Variants in ANXA4 observed in about 807,000 individuals in gnomAD.
The protein encoded by ANXA4 is 35-beta calcimedin.
ANXA4 carries 39 observed loss-of-function variants against 49.8 expected under a neutral mutation model. The observed-to-expected ratio is 0.78, with a 90% confidence interval of 0.61 to 1.02. ANXA4 has a LOEUF of 1.02. Ranked by LOEUF, ANXA4 falls within the 50% of genes least tolerant of loss-of-function variation. ANXA4 has a pLI of 0.00. For synonymous variants in ANXA4, 134 were observed against 152.5 expected, an observed-to-expected ratio of 0.88 and a Z score of 0.89; for missense variants, 360 against 410.1, an observed-to-expected ratio of 0.88 and a Z score of 1.05.
At chr2:69,708,573 C>CT (rs1678577111) in intron 2 of ANXA4, among the ~76,000 whole-genome samples, 1 of 152,076 alleles carries the variant, frequency 6.6e-6, no homozygotes, top group African/African-American at 2.4e-5. Flanking sequence ...TCATGGGTCT[C>CT]TTGGTTTTTT....
chr2:69,651,871 A>G (rs533220248), intron 1 of ANXA4, among the ~76,000 whole-genome samples: 2 of 129,076 alleles, frequency 1.5e-5, no homozygotes, highest in Non-Finnish European at 3.1e-5. Context: ...GCTGGAGTGC[A>G]GTGGCGTGAT....
At chr2:69,798,894 G>A (rs1353438223) in intron 3 of ANXA4, among the ~76,000 whole-genome samples, 1 of 152,172 alleles carries the variant, frequency 6.6e-6, no homozygotes, top group Non-Finnish European at 1.5e-5. Flanking sequence ...AGATATTGAG[G>A]TCAAGGACAT....
chr2:69,769,533 AGT>A (rs967298991), intron 1 of ANXA4, among the ~76,000 whole-genome samples: 3 of 152,182 alleles, frequency 2.0e-5, no homozygotes, highest in African/African-American at 7.2e-5. Flanking sequence ...AACATGGAGG[AGT>A]GTTTAATAAG....
At chr2:69,681,758 T>C (rs545897062) in intron 2 of ANXA4, among the ~76,000 whole-genome samples, 4 of 152,336 alleles carry the variant, frequency 2.6e-5, no homozygotes, top group East Asian at 3.9e-4. Context: ...GTATTGTTTT[T>C]TAAGTCTGTA....
chr2:69,754,149 CT>C (rs1411547524), intron 1 of ANXA4, among the ~76,000 whole-genome samples: 1 of 152,224 alleles, frequency 6.6e-6, no homozygotes, highest in Non-Finnish European at 1.5e-5. Context: ...TTTAAATAAT[CT>C]TTGGCAAACA....
chr2:69,654,786 G>A (rs987581930), intron 2 of ANXA4, among the ~76,000 whole-genome samples: 16 of 152,106 alleles, frequency 1.1e-4, no homozygotes, highest in Non-Finnish European at 2.4e-4. Context: ...ATACTACAAG[G>A]CTACAGTAAC....
At chr2:69,764,904 A>T (rs1381351731) in intron 1 of ANXA4, among the ~76,000 whole-genome samples, 1 of 152,138 alleles carries the variant, frequency 6.6e-6, no homozygotes, top group Non-Finnish European at 1.5e-5. Flanking sequence ...GAATTTGACT[A>T]CTTTGAGTAC....
rs181932846 is a variant in ANXA4 at position 69,673,015 on chromosome 2, A to G, written n.766+19733A>G. On this transcript the variant is annotated intron_variant and non_coding_transcript_variant, in intron 2 of 3. Transcript: ENST00000418066. ...GCGATCATTAAAAAGTCGGGGAACA[A>G]CAGATGCTGGAGAGGATGTGGAGAA... Among the ~76,000 whole-genome samples the G allele has an allele frequency of 2.0e-5, 3 of 152,324 alleles. No homozygotes were observed. The East Asian group carries it at 5.8e-4, about 29-fold the overall frequency.
intron 2 of ANXA4, among the ~76,000 whole-genome samples, chr2:69,714,383 A>T (rs1174379051): frequency 1.3e-5 from 2 of 152,022 alleles, no homozygotes; most frequent in African/African-American, 4.8e-5. Context: ...AATATAAACG[A>T]CTCTATAGAA....
chr2:69,735,496 G>A (rs1275602740), intron 3 of ANXA4, among the ~76,000 whole-genome samples: 3 of 152,086 alleles, frequency 2.0e-5, no homozygotes, highest in Non-Finnish European at 4.4e-5. Context: ...CTGAAACAAA[G>A]TCATCTTCCT....
Position 69,820,790 on chromosome 2 carries a change from T to G in ANXA4, c.875T>G (p.Leu292Arg), listed in dbSNP as rs776601708. ...MLDIRAHFKR[L>R]YGKSLYSFIK... ...GATATCCGGGCACACTTCAAGAGAC[T>G]CTATGGAAAGTCTCTGTACTCGTTC... is the stretch of plus-strand genomic sequence containing the variant. The change falls in exon 12 of 13, where the codon CTC becomes CGC. Residue 292 changes from leucine (L) to arginine (R), a missense_variant. Physicochemically the swap from Leu to Arg is moderately radical, Grantham distance 102. Transcript: ENST00000394295. 1 of 1,614,020 alleles carries G rather than the reference T, an allele frequency of 6.2e-7. No homozygotes were observed. The highest frequency in any genetic ancestry group is 8.5e-7 in the Non-Finnish European group (1 of 1,179,950).
intron 2 of ANXA4, among the ~76,000 whole-genome samples, chr2:69,685,597 T>C (rs1268100565): frequency 6.6e-6 from 1 of 152,188 alleles, no homozygotes; most frequent in African/African-American, 2.4e-5. Context: ...GAGGGTATGA[T>C]GAATACTTGA....
At position 69,669,860 on chromosome 2, in the gene ANXA4, C is replaced by G. The variant is rs201871548; in HGVS notation, n.766+16578C>G. Among the ~76,000 whole-genome samples the G allele has an allele frequency of 9.9e-5, 15 of 152,250 alleles. No individual in the cohort carries two copies. The East Asian group carries it at 2.9e-3, about 29-fold the overall frequency. On this transcript the variant is annotated intron_variant and non_coding_transcript_variant, in intron 2 of 3. Transcript: ENST00000418066. ...GGCACATCTAATACTTCTCCCACCGCTACTCAAGATTGTAAAGACTTCACC... is the reference window on the plus strand; with the variant it reads ...GGCACATCTAATACTTCTCCCACCGGTACTCAAGATTGTAAAGACTTCACC...
At chr2:69,820,614 C>T (rs1674193336) in intron 11 of ANXA4, 85 bp from the exon 12 acceptor site, 1 of 1,523,774 alleles carries the variant, frequency 6.6e-7, no homozygotes. Context: ...GCACAGTCAT[C>T]TCTAGTCTTG....
intron 2 of ANXA4, among the ~76,000 whole-genome samples, chr2:69,691,073 C>T (rs1376925829): frequency 6.6e-6 from 1 of 151,786 alleles, no homozygotes; most frequent in Non-Finnish European, 1.5e-5. Context: ...TTTGCAAATA[C>T]TCTGCCTGGG....
chr2:69,644,172 C>CCCCCCCCCCCCCG (rs1675903072), upstream of ANXA4, among the ~76,000 whole-genome samples: 1 of 54,090 alleles, frequency 1.8e-5, no homozygotes, highest in African/African-American at 5.7e-5. Flanking sequence ...AGTTCCCCCC[C>CCCCCCCCCCCCCG]CCCCCCCCCC....
At chr2:69,647,925 A>G (rs1234067175) in intron 1 of ANXA4, among the ~76,000 whole-genome samples, 1 of 152,188 alleles carries the variant, frequency 6.6e-6, no homozygotes, top group African/African-American at 2.4e-5. Context: ...ATCAAAGAAA[A>G]TACTGTTACA....
intron 1 of ANXA4, among the ~76,000 whole-genome samples, chr2:69,649,603 C>CTTTTTT (rs766975640): frequency 2.8e-5 from 2 of 70,670 alleles, no homozygotes; most frequent in African/African-American, 6.3e-5. Flanking sequence ...GATTTTCTTT[C>CTTTTTT]TTTTTTTTTT....
At chr2:69,770,930 T>A (rs71413199) in intron 1 of ANXA4, among the ~76,000 whole-genome samples, 4,325 of 141,608 alleles carry the variant, frequency 0.031, 81 homozygotes, top group Non-Finnish European at 0.042. Flanking sequence ...CTAGAAAATT[T>A]AAAAAAAAAA....
Sources: gnomAD v4.1 joint callset for allele counts (sites outside exome capture counted in the v4.1 genomes callset) on GRCh38, gnomAD v4.1.1 for gene constraint, MANE v1.5 for transcripts, NCBI Gene and HGNC (gene_info 2026-07-23, HGNC 2026-07-21) for gene names.